The following CACNB2 variants were observed in gnomAD, a reference collection of about 807,000 sequenced individuals.
CACNB2 encodes the protein calcium voltage-gated channel auxiliary subunit beta 2, also known as voltage-dependent L-type calcium channel subunit beta-2.
CACNB2 carries 42 observed loss-of-function variants against 73.3 expected under a neutral mutation model. That is an observed-to-expected ratio of 0.57 (90% confidence interval 0.45 to 0.74). The LOEUF is 0.74. CACNB2 is among the 30% of genes least tolerant of loss of function. CACNB2 has a pLI of 0.00. For missense variants in CACNB2, 940 were observed against 853.0 expected (o/e 1.10, Z -1.27); for synonymous variants, 348 against 310.3 (o/e 1.12, Z -1.28).
chr10:18,426,508 A>C (rs2045606198), intron 3 of CACNB2, among the ~76,000 whole-genome samples: 1 of 152,172 alleles, frequency 6.6e-6, no homozygotes. Context: ...GTTTTCTATC[A>C]GACATAGATA....
At chr10:18,434,179 C>T (rs2046022457) in intron 3 of CACNB2, among the ~76,000 whole-genome samples, 2 of 152,038 alleles carry the variant, frequency 1.3e-5, no homozygotes, top group African/African-American at 4.8e-5. Flanking sequence ...GAAGAGGTTT[C>T]TCATATGGTA....
chr10:18,438,286 C>G lies in CACNB2; in HGVS notation c.333+36243C>G, dbSNP rs1041446775. On this transcript the variant is annotated intron_variant, in intron 3 of 13. Coordinates refer to ENST00000324631, the MANE Select transcript of CACNB2 (RefSeq NM_201596.3). The stretch of plus-strand genomic sequence containing the variant: ...CCTCGTGGTCCGCCCGCCTCGGCCT[C>G]CCAAAGGGCTGGGATTACAGGCGTG... 5.3e-5 allele frequency among the ~76,000 whole-genome samples: 8 copies of G among 151,460 alleles called. No homozygotes were observed. In the East Asian group the frequency reaches 7.8e-4, roughly 15 times the overall value.
intron 2 of CACNB2, among the ~76,000 whole-genome samples, chr10:18,329,869 G>T (rs188285787): frequency 6.6e-6 from 1 of 151,900 alleles, no homozygotes; most frequent in Non-Finnish European, 1.5e-5. Flanking sequence ...ATGGAGTCTC[G>T]CTCTGTGTCC....
At chr10:18,463,504 T>C (rs1671421184) in intron 3 of CACNB2, among the ~76,000 whole-genome samples, 1 of 151,998 alleles carries the variant, frequency 6.6e-6, no homozygotes, top group Non-Finnish European at 1.5e-5. Flanking sequence ...AGCTTCAACC[T>C]CCCAGGTTCA....
rs993852725 is a variant in CACNB2 at position 18,542,472 on chromosome 10, A to G, written c.*2748A>G. On this transcript the variant is annotated 3_prime_UTR_variant, in exon 14 of 14. Coordinates refer to ENST00000324631, the MANE Select transcript of CACNB2 (RefSeq NM_201596.3). The stretch of plus-strand genomic sequence containing the variant: ...TTTCATCCCAATTAATGATTTTAGA[A>G]TATTTAAATTCTTGAAACATAGCTA... 7 of 152,246 alleles carry G rather than the reference A, an allele frequency of 4.6e-5. No homozygotes were observed. The highest frequency in any genetic ancestry group is 3.9e-4 in the Admixed American group (6 of 15,284). The allele number at this position is 152,246 out of a possible 1,614,324, so 9.4% of individuals were successfully genotyped here.
chr10:18,419,749 G>A (rs2045215501), intron 3 of CACNB2, among the ~76,000 whole-genome samples: 1 of 152,134 alleles, frequency 6.6e-6, no homozygotes, highest in Non-Finnish European at 1.5e-5. Context: ...AGAAAGGGGA[G>A]GAATGTCCCT....
At chr10:18,246,075 G>A (rs975702502) in intron 2 of CACNB2, among the ~76,000 whole-genome samples, 4 of 152,046 alleles carry the variant, frequency 2.6e-5, no homozygotes, top group African/African-American at 7.2e-5. Flanking sequence ...CTTGATCTCC[G>A]AGAGGAAGAA....
chr10:18,431,928 A>G (rs1020027651), intron 3 of CACNB2, among the ~76,000 whole-genome samples: 7 of 152,076 alleles, frequency 4.6e-5, no homozygotes, highest in Non-Finnish European at 1.0e-4. Context: ...CTATACCCAG[A>G]TAATTTTTGT....
chr10:18,286,410 C>G (rs190277537), intron 2 of CACNB2, among the ~76,000 whole-genome samples: 2 of 148,448 alleles, frequency 1.3e-5, no homozygotes, highest in Admixed American at 1.4e-4. Context: ...CCCAGCTACT[C>G]GGGAGGCTGA....
chr10:18,203,874 C>G (rs1006303435), intron 2 of CACNB2, among the ~76,000 whole-genome samples: 1 of 152,162 alleles, frequency 6.6e-6, no homozygotes, highest in South Asian at 2.1e-4. Flanking sequence ...TTTTCACAAT[C>G]CATGTTTCTC....
At chr10:18,182,324 CAA>C (rs898233502) in intron 2 of CACNB2, among the ~76,000 whole-genome samples, 8 of 150,086 alleles carry the variant, frequency 5.3e-5, no homozygotes, top group African/African-American at 1.7e-4. Context: ...GACTCCACCT[CAA>C]AAAAAAATTT....
intron 3 of CACNB2, among the ~76,000 whole-genome samples, chr10:18,441,237 C>G (rs1044913320): frequency 2.0e-5 from 3 of 152,060 alleles, no homozygotes; most frequent in Non-Finnish European, 4.4e-5. Context: ...AACCCCGTCT[C>G]TACTAAAAAT....
intron 2 of CACNB2, among the ~76,000 whole-genome samples, chr10:18,191,347 G>T (rs2489211): frequency 3.3e-5 from 5 of 152,140 alleles, no homozygotes; most frequent in African/African-American, 4.8e-5. Flanking sequence ...GCTGCCCCCC[G>T]TGTATTGCTG....
At chr10:18,488,310 C>T (rs1356972917) in intron 3 of CACNB2, among the ~76,000 whole-genome samples, 3 of 151,028 alleles carry the variant, frequency 2.0e-5, no homozygotes, top group African/African-American at 7.3e-5. Flanking sequence ...CCCGTCTCTA[C>T]TAAAAATACA....
intron 2 of CACNB2, among the ~76,000 whole-genome samples, chr10:18,310,010 T>C (rs2131880259): frequency 6.6e-6 from 1 of 152,348 alleles, no homozygotes; most frequent in Middle Eastern, 3.4e-3. Context: ...ACTTAATTTA[T>C]ATATCCAACT....
At chr10:18,302,288 G>T (rs1431355043) in intron 2 of CACNB2, among the ~76,000 whole-genome samples, 5 of 152,118 alleles carry the variant, frequency 3.3e-5, no homozygotes, top group Admixed American at 3.3e-4. Context: ...GGGGCGCTTT[G>T]TTGCTGTAGC....
rs556297480 is a variant in CACNB2 at position 18,218,808 on chromosome 10, G to A, written c.213+67833G>A. On this transcript the variant is annotated intron_variant, in intron 2 of 13. Transcript: ENST00000324631. ...TTGAACTCTGGAGGCACAAGCTGCAGTGAGCCAAGATCATACCACTGCACC... is the reference window on the plus strand; with the variant it reads ...TTGAACTCTGGAGGCACAAGCTGCAATGAGCCAAGATCATACCACTGCACC... 7.9e-5 allele frequency among the ~76,000 whole-genome samples: 12 copies of A among 152,142 alleles called. No homozygotes were observed. In the South Asian group the frequency reaches 2.5e-3, roughly 32 times the overall value.
intron 7 of CACNB2, among the ~76,000 whole-genome samples, chr10:18,517,256 C>T (rs2051373004): frequency 6.6e-6 from 1 of 152,200 alleles, no homozygotes. Flanking sequence ...TTGCTTATCG[C>T]AGTGTCTAAG....
In CACNB2 at chr10:18,263,207, C is replaced by T. The variant is rs112443278; in HGVS notation, c.213+112232C>T. Among the ~76,000 whole-genome samples the T allele has an allele frequency of 2.4e-3, 367 of 152,242 alleles. 3 individuals are homozygous for T. The highest frequency in any genetic ancestry group is 0.015 in the South Asian group (73 of 4,820). Reference sequence around the variant, plus strand: ...ACCCAGAGTGGAAGATAGGTTAAATCGAAACCTATTTTTTTCCTTGAAGGA... The same window carrying T: ...ACCCAGAGTGGAAGATAGGTTAAATTGAAACCTATTTTTTTCCTTGAAGGA... On this transcript the variant is annotated intron_variant, in intron 2 of 13. Coordinates refer to ENST00000324631, the MANE Select transcript of CACNB2 (RefSeq NM_201596.3).
Sources: allele counts gnomAD v4.1 joint callset (sites outside exome capture counted in the v4.1 genomes callset), GRCh38; gene constraint gnomAD v4.1.1; transcripts MANE v1.5; gene names NCBI Gene and HGNC (gene_info 2026-07-23, HGNC 2026-07-21).